PLCXD2: variants seen among roughly 807,000 people sequenced by gnomAD.
The protein encoded by PLCXD2 is PI-PLC X domain-containing protein 2.
PLCXD2 carries 21 observed loss-of-function variants against 28.6 expected under a neutral mutation model. That is an observed-to-expected ratio of 0.73 (90% confidence interval 0.52 to 1.06). The LOEUF (loss-of-function observed/expected upper bound fraction) is 1.06. Among genes scored for constraint, PLCXD2 ranks in the 50% least tolerant of loss-of-function variants. PLCXD2 has a pLI of 0.00. For synonymous variants in PLCXD2, 140 were observed against 150.1 expected (o/e 0.93, Z 0.49); for missense variants, 369 against 376.7 (o/e 0.98, Z 0.17).
intron 2 of PLCXD2, among the ~76,000 whole-genome samples, chr3:111,712,744 G>A (rs4413291): frequency 0.39 from 58,973 of 152,062 alleles, 13,770 homozygotes; most frequent in Middle Eastern, 0.54. Flanking sequence ...CCAACTATCC[G>A]GGGATGGCAG....
intron 1 of PLCXD2, among the ~76,000 whole-genome samples, chr3:111,687,824 A>G (rs1450014313): frequency 6.6e-6 from 1 of 152,064 alleles, no homozygotes; most frequent in Non-Finnish European, 1.5e-5. Context: ...AGATGAGACT[A>G]CAGGCACATG....
intron 1 of PLCXD2, among the ~76,000 whole-genome samples, chr3:111,701,813 T>A (rs558962362): frequency 1.4e-4 from 22 of 152,112 alleles, no homozygotes; most frequent in Admixed American, 6.6e-4. Flanking sequence ...ATGAAGACGG[T>A]GAGAGAGAGG....
intron 1 of PLCXD2, among the ~76,000 whole-genome samples, chr3:111,685,743 T>C (rs930236854): frequency 1.3e-5 from 2 of 152,198 alleles, no homozygotes; most frequent in African/African-American, 4.8e-5. Context: ...TGACGCCATC[T>C]ATTTGGAGAC....
At chr3:111,697,652 C>A (rs571550677) in intron 1 of PLCXD2, among the ~76,000 whole-genome samples, 6 of 152,018 alleles carry the variant, frequency 3.9e-5, no homozygotes, top group African/African-American at 1.4e-4. Context: ...CTGTTTTTTC[C>A]ATTTCAAATA....
chr3:111,691,733 G>C (rs1940881042), intron 1 of PLCXD2, among the ~76,000 whole-genome samples: 2 of 152,202 alleles, frequency 1.3e-5, no homozygotes, highest in African/African-American at 4.8e-5. Context: ...AGGTCTGACA[G>C]ACCTGGGTCT....
At chr3:111,710,346 A>G (rs1243618712) in intron 2 of PLCXD2, among the ~76,000 whole-genome samples, 1 of 152,244 alleles carries the variant, frequency 6.6e-6, no homozygotes, top group African/African-American at 2.4e-5. Context: ...CTCTTTTACA[A>G]TATGAGATAA....
intron 1 of PLCXD2, among the ~76,000 whole-genome samples, chr3:111,695,915 G>A: frequency 6.6e-6 from 1 of 152,154 alleles, no homozygotes; most frequent in East Asian, 1.9e-4. Flanking sequence ...GTTGACTGTG[G>A]CTAACTGAAA....
chr3:111,714,798 G>A (rs1313242795), intron 3 of PLCXD2, among the ~76,000 whole-genome samples: 1 of 152,176 alleles, frequency 6.6e-6, no homozygotes. Flanking sequence ...GTGAGTGTGT[G>A]TATGTATGTG....
At chr3:111,692,957 G>A (rs1017464956) in intron 1 of PLCXD2, among the ~76,000 whole-genome samples, 5 of 152,134 alleles carry the variant, frequency 3.3e-5, no homozygotes, top group East Asian at 1.9e-4. Flanking sequence ...CATTCTGTCT[G>A]TATCTTCCAC....
chr3:111,708,791 G>A (rs1941159051), intron 2 of PLCXD2, among the ~76,000 whole-genome samples: 1 of 152,116 alleles, frequency 6.6e-6, no homozygotes, highest in Non-Finnish European at 1.5e-5. Flanking sequence ...CCAAGGTATC[G>A]ACTGATTAGG....
chr3:111,690,277 A>G (rs1454175799), intron 1 of PLCXD2, among the ~76,000 whole-genome samples: 2 of 152,122 alleles, frequency 1.3e-5, no homozygotes, highest in Non-Finnish European at 1.5e-5. Context: ...ATCTGAGGCC[A>G]TTTGCTCCCA....
intron 2 of PLCXD2, among the ~76,000 whole-genome samples, chr3:111,712,352 C>G (rs540524802): frequency 6.6e-6 from 1 of 152,140 alleles, no homozygotes; most frequent in South Asian, 2.1e-4. Context: ...AGGGCTGCAC[C>G]GCCTCCCACC....
intron 2 of PLCXD2, among the ~76,000 whole-genome samples, chr3:111,710,861 G>T (rs974075278): frequency 6.6e-6 from 1 of 152,196 alleles, no homozygotes; most frequent in African/African-American, 2.4e-5. Flanking sequence ...TTACAAATCT[G>T]CAGGAGTAAG....
At chr3:111,714,151 C>A (rs370058298) in intron 3 of PLCXD2, 23 bp downstream of exon 3, 126 of 1,605,796 alleles carry the variant, frequency 7.8e-5, no homozygotes, top group Non-Finnish European at 1.0e-4. Flanking sequence ...TTCCACCCCA[C>A]AAGGAAAGCT....
At chr3:111,676,976 G>A (rs994991169) in intron 1 of PLCXD2, 4 of 152,252 alleles carry the variant, frequency 2.6e-5, no homozygotes, top group Non-Finnish European at 5.9e-5. Flanking sequence ...AAAGGAGTTG[G>A]GCATTTGTTC....
At chr3:111,722,910 A>C (rs1428460143) in intron 3 of PLCXD2, 1 of 152,164 alleles carries the variant, frequency 6.6e-6, no homozygotes. Flanking sequence ...AATCTGGTTG[A>C]ACTTTCCTTT....
intron 3 of PLCXD2, chr3:111,723,586 C>G (rs570024991): frequency 6.6e-6 from 1 of 152,276 alleles, no homozygotes; most frequent in East Asian, 1.9e-4. Flanking sequence ...CACAAGAGTT[C>G]TGGGAGATAG....
At chr3:111,690,949 A>G (rs1356288277) in intron 1 of PLCXD2, among the ~76,000 whole-genome samples, 1 of 152,224 alleles carries the variant, frequency 6.6e-6, no homozygotes, top group African/African-American at 2.4e-5. Context: ...ACAGCCTTTA[A>G]AGTGAAGGGC....
At chr3:111,699,176 G>C (rs1941006293) in intron 1 of PLCXD2, among the ~76,000 whole-genome samples, 1 of 152,110 alleles carries the variant, frequency 6.6e-6, no homozygotes, top group South Asian at 2.1e-4. Context: ...CTACCCAGAT[G>C]GGGAGTTTCT....
Sources: gnomAD v4.1 joint callset for allele counts (sites outside exome capture counted in the v4.1 genomes callset) on GRCh38, gnomAD v4.1.1 for gene constraint, MANE v1.5 for transcripts, NCBI Gene and HGNC (gene_info 2026-07-23, HGNC 2026-07-21) for gene names.